DCLK2: variants seen among roughly 807,000 people sequenced by gnomAD.
DCLK2 encodes the protein serine/threonine-protein kinase DCLK2.
In DCLK2, 31 loss-of-function variants were observed where a neutral mutation model predicts 78.4. That is an observed-to-expected ratio of 0.40 (90% CI 0.30 to 0.53). The LOEUF is 0.53. DCLK2 is among the 20% of genes least tolerant of loss of function. The probability of loss-of-function intolerance (pLI) is 0.61; values close to 1 mark genes in which losing one functional copy is unlikely to be tolerated. For synonymous variants in DCLK2, 407 were observed against 374.9 expected (o/e 1.09, Z -0.99); for missense variants, 872 against 973.7 (o/e 0.90, Z 1.39).
intron 1 of DCLK2, among the ~76,000 whole-genome samples, chr4:150,086,506 AT>A (rs10539678): frequency 0.48 from 70,468 of 146,954 alleles, 16,797 homozygotes; most frequent in Non-Finnish European, 0.51. Flanking sequence ...GATTCTTTTT[AT>A]TTTTTTTTTT....
At chr4:150,242,772 G>T (rs537598531) in intron 12 of DCLK2, among the ~76,000 whole-genome samples, 45 of 152,302 alleles carry the variant, frequency 3.0e-4, no homozygotes, top group Non-Finnish European at 5.4e-4. Context: ...GTGCCGTTAA[G>T]CAAATCAAGT....
chr4:150,089,345 A>G (rs1478438845), intron 1 of DCLK2, among the ~76,000 whole-genome samples: 2 of 152,246 alleles, frequency 1.3e-5, no homozygotes, highest in African/African-American at 2.4e-5. Flanking sequence ...TGAGAGATTA[A>G]GGAGGAGAGT....
At chr4:150,125,833 G>T (rs1732885433) in intron 2 of DCLK2, among the ~76,000 whole-genome samples, 1 of 152,052 alleles carries the variant, frequency 6.6e-6, no homozygotes, top group Admixed American at 6.6e-5. Context: ...GGAGGTTGCA[G>T]TGAGCTGAGA....
In DCLK2 at chr4:150,253,376, G is replaced by A. The variant is rs575261957; in HGVS notation, c.2074-2644G>A. The A allele has an allele frequency of 1.2e-4, 153 of 1,234,246 alleles. 2 individuals are homozygous for A. Among genetic ancestry groups the A allele is most frequent in the Non-Finnish European group, 2.6e-5 (24 of 934,948 alleles). The allele number at this position is 1,234,246 out of a possible 1,614,324, so 76.5% of individuals were successfully genotyped here. ...CTAGTGTTCTCATCCCCAGAGCTGGGGCCTGAGACTTCAGTGAGAAAATGA... is the reference window on the plus strand; with the variant it reads ...CTAGTGTTCTCATCCCCAGAGCTGGAGCCTGAGACTTCAGTGAGAAAATGA... On this transcript the variant is annotated intron_variant, in intron 15 of 15. Coordinates refer to ENST00000296550, the MANE Select transcript of DCLK2 (RefSeq NM_001040260.4).
Position 150,193,208 on chromosome 4 carries a change from A to G in DCLK2, c.827A>G (p.Tyr276Cys). 1.9e-6 allele frequency: 3 copies of G among 1,611,746 alleles called. No homozygotes were observed. Among genetic ancestry groups the G allele is most frequent in the East Asian group, 2.2e-5 (1 of 44,804 alleles). ...FIACGPEKFR[Y>C]AQDDFVLDHS... ...GCATGTGGACCAGAAAAATTTCGTT[A>G]TGCCCAAGATGACTTTGTCCTGGAT... Residue 276 changes from tyrosine (Y) to cysteine (C), a missense_variant, in exon 3 of 16, where the codon TAT (tyrosine) becomes TGT (cysteine). Tyr to Cys is a radical substitution (Grantham distance 194, BLOSUM62 -2). Transcript: ENST00000296550.
At chr4:150,238,634 T>TACTTTTTATTTTTTC (rs1481677964) in intron 10 of DCLK2, among the ~76,000 whole-genome samples, 2 of 152,204 alleles carry the variant, frequency 1.3e-5, no homozygotes, top group Non-Finnish European at 2.9e-5. Flanking sequence ...TTTATTTTTT[T>TACTTTTTATTTTTTC]ACTTTTTATT....
At chr4:150,176,371 G>T (rs1243375623) in intron 2 of DCLK2, among the ~76,000 whole-genome samples, 3 of 152,178 alleles carry the variant, frequency 2.0e-5, no homozygotes, top group Non-Finnish European at 4.4e-5. Context: ...GTCTCCAGGT[G>T]CTGGGTGTCT....
chr4:150,247,846 T>G, intron 13 of DCLK2, 147 bp downstream of exon 13: 2 of 658,130 alleles, frequency 3.0e-6, no homozygotes, highest in Non-Finnish European at 5.0e-6. Context: ...TCCCATGGTA[T>G]GGTCTCTGAA....
At chr4:150,159,942 C>A (rs1305308539) in intron 2 of DCLK2, among the ~76,000 whole-genome samples, 1 of 151,094 alleles carries the variant, frequency 6.6e-6, no homozygotes, top group African/African-American at 2.4e-5. Context: ...GCAAGTGTGA[C>A]TTCCTTTTCC....
chr4:150,245,399 A>G (rs1743229356), intron 12 of DCLK2, among the ~76,000 whole-genome samples: 1 of 152,014 alleles, frequency 6.6e-6, no homozygotes, highest in Non-Finnish European at 1.5e-5. Context: ...TTTAAGTTCT[A>G]GGGTACATGT....
At chr4:150,198,884 C>T in intron 4 of DCLK2, 1 of 553,120 alleles carries the variant, frequency 1.8e-6, no homozygotes, top group Non-Finnish European at 3.2e-6. Flanking sequence ...TCAGACATTC[C>T]ACTATTCGCC....
Position 150,144,846 on chromosome 4 carries a change from A to C in DCLK2, c.756+42034A>C, listed in dbSNP as rs542699453. 2.0e-5 allele frequency among the ~76,000 whole-genome samples: 3 copies of C among 152,340 alleles called. No individual in the cohort carries two copies. The East Asian group carries it at 5.8e-4, about 29-fold the overall frequency. ...CAAGATCCTCCTGCCTTGGCCTCCC[A>C]AAGTGCTGGGATTATAGGAGTGAGC... On this transcript the variant is annotated intron_variant, in intron 2 of 15. Transcript: ENST00000296550.
At position 150,102,634 on chromosome 4, in the gene DCLK2, TC is replaced by T; in HGVS notation, c.579del (p.Phe193LeufsTer6). 1 of 1,614,144 alleles carries T rather than the reference TC, an allele frequency of 6.2e-7. No individual in the cohort carries two copies. The highest frequency in any genetic ancestry group is 8.5e-7 in the Non-Finnish European group (1 of 1,180,016). On this transcript the variant is annotated frameshift_variant, in exon 2 of 16. Coordinates refer to ENST00000296550, the MANE Select transcript of DCLK2 (RefSeq NM_001040260.4). LOFTEE classifies it high-confidence loss of function. Reference sequence around the variant, plus strand: ...AGTGAAGTAAAAGAAAGTAAAGATTTCATCAAACCCAAGTTAGTGACTGTGA... The same window carrying T: ...AGTGAAGTAAAAGAAAGTAAAGATTTATCAAACCCAAGTTAGTGACTGTGA... ...VKSEVKESKDFIKPKLVTVIR... is the reference protein window; with the variant it reads ...VKSEVKESKDXIKPKLVTVIR...
intron 2 of DCLK2, among the ~76,000 whole-genome samples, chr4:150,153,786 A>G (rs1735066504): frequency 6.6e-6 from 1 of 152,062 alleles, no homozygotes; most frequent in South Asian, 2.1e-4. Context: ...AACTGGTGTG[A>G]GGAGAAAATG....
chr4:150,183,601 A>G (rs1405259630), intron 2 of DCLK2, among the ~76,000 whole-genome samples: 3 of 152,224 alleles, frequency 2.0e-5, no homozygotes, highest in Non-Finnish European at 4.4e-5. Context: ...CTAACATCAT[A>G]AATTTGGGAA....
chr4:150,135,201 C>CTCAGT (rs1733609605), intron 2 of DCLK2, among the ~76,000 whole-genome samples: 1 of 150,932 alleles, frequency 6.6e-6, no homozygotes, highest in Admixed American at 6.6e-5. Flanking sequence ...CACTGTCTCT[C>CTCAGT]TCAGTTTCAG....
At chr4:150,187,948 G>A (rs559824784) in intron 2 of DCLK2, among the ~76,000 whole-genome samples, 125 of 151,958 alleles carry the variant, frequency 8.2e-4, no homozygotes, top group African/African-American at 2.8e-3. Flanking sequence ...CTACAGGTGC[G>A]TGCCACCACA....
chr4:150,182,116 C>T lies in DCLK2; in HGVS notation c.757-11022C>T, dbSNP rs1030341673. Reference sequence around the variant, plus strand: ...AGGCTGGAGTGCTGTGGCACCATCTCGGTTCGCTGCAGCCTTGACCTCCCA... The same window carrying T: ...AGGCTGGAGTGCTGTGGCACCATCTTGGTTCGCTGCAGCCTTGACCTCCCA... On this transcript the variant is annotated intron_variant, in intron 2 of 15. Coordinates refer to ENST00000296550, the MANE Select transcript of DCLK2 (RefSeq NM_001040260.4). Among the ~76,000 whole-genome samples the T allele has an allele frequency of 6.6e-5, 10 of 151,848 alleles. No homozygotes were observed. In the South Asian group the frequency reaches 1.3e-3, roughly 19 times the overall value.
chr4:150,156,741 TTTTATTTATTTATTTATTTATTTA>T (rs150434713), intron 2 of DCLK2, among the ~76,000 whole-genome samples: 98 of 139,430 alleles, frequency 7.0e-4, no homozygotes, highest in Admixed American at 2.5e-3. Flanking sequence ...GGAGTAACTA[TTTTATTTATTTATTTATTTATTTA>T]TTTATTTATT....
Sources: gnomAD v4.1 joint callset for allele counts (sites outside exome capture counted in the v4.1 genomes callset) on GRCh38, gnomAD v4.1.1 for gene constraint, MANE v1.5 for transcripts, NCBI Gene and HGNC (gene_info 2026-07-23, HGNC 2026-07-21) for gene names.